The following EFR3A variants were observed in gnomAD, a reference collection of about 807,000 sequenced individuals.
EFR3A encodes protein EFR3 homolog A.
EFR3A carries 76 observed loss-of-function variants against 104.4 expected under a neutral mutation model. The observed-to-expected ratio is 0.73, with a 90% confidence interval of 0.60 to 0.88. The LOEUF (loss-of-function observed/expected upper bound fraction) is 0.88, where lower values mean the gene tolerates loss of function less well. Among genes scored for constraint, EFR3A ranks in the 40% least tolerant of loss-of-function variants. The pLI, the probability that EFR3A is intolerant of heterozygous loss-of-function variation, is 0.00. For missense variants in EFR3A, 985 were observed against 1,012.5 expected (o/e 0.97, Z 0.37); for synonymous variants, 330 against 330.0 (o/e 1.00, Z 0.00).
chr8:131,938,822 C>A (rs1232025058), intron 1 of EFR3A, among the ~76,000 whole-genome samples: 1 of 152,104 alleles, frequency 6.6e-6, no homozygotes, highest in Non-Finnish European at 1.5e-5. Flanking sequence ...ATTGGCCTCT[C>A]TAAGCTGGTT....
chr8:131,984,828 G>T (rs543546133), intron 15 of EFR3A, 101 bp from the exon 16 acceptor site: 10 of 1,125,608 alleles, frequency 8.9e-6, no homozygotes, highest in Non-Finnish European at 1.1e-5. Flanking sequence ...TGGCATTTTT[G>T]TTAGCTTTCC....
chr8:131,963,902 C>A (rs1242362447), intron 8 of EFR3A, among the ~76,000 whole-genome samples: 2 of 152,148 alleles, frequency 1.3e-5, no homozygotes, highest in African/African-American at 4.8e-5. Flanking sequence ...CCCTGGGATG[C>A]AAGGCTGGTT....
rs138896182 is a variant in EFR3A, at chr8:131,955,806, A to G, written c.677A>G (p.Lys226Arg). Residue 226 changes from lysine to arginine, a missense_variant, in exon 7 of 23, where the codon AAA becomes AGA. By Grantham distance (26) the Lys-to-Arg change is conservative (BLOSUM62 2). Transcript: ENST00000254624. ...GPPSSPSATDKEENPAVLAEN... is the reference protein window; with the variant it reads ...GPPSSPSATDREENPAVLAEN... ...CCTTCTTCTCCTTCTGCAACTGACA[A>G]AGAAGAGAATCCTGCTGTGCTGGCT... 1.0e-4 allele frequency: 166 copies of G among 1,613,410 alleles called. 1 individual carries two copies. Among genetic ancestry groups the G allele is most frequent in the Middle Eastern group, 3.3e-4 (2 of 6,060 alleles).
intron 1 of EFR3A, among the ~76,000 whole-genome samples, chr8:131,909,973 G>A (rs543444776): frequency 3.3e-5 from 5 of 152,210 alleles, no homozygotes; most frequent in African/African-American, 4.8e-5. Context: ...AGGCATTGCC[G>A]TCTCAGTGCA....
Position 132,010,943 on chromosome 8 carries a change from AG to A in EFR3A, c.*50del. On this transcript the variant is annotated 3_prime_UTR_variant, in exon 23 of 23. Transcript: ENST00000254624. ...TATGATTTGTAAAGCCTAAAAATTAAGGCCAAGCTGAGCTTTCAGGGTTTAC... is the reference window on the plus strand; with the variant it reads ...TATGATTTGTAAAGCCTAAAAATTAAGCCAAGCTGAGCTTTCAGGGTTTAC... 6.6e-7 allele frequency: 1 copy of A among 1,522,166 alleles called. No homozygotes were observed. The highest frequency in any genetic ancestry group is 1.3e-5 in the South Asian group (1 of 78,032). The allele number at this position is 1,522,166 out of a possible 1,614,324, so 94.3% of individuals were successfully genotyped here.
At chr8:131,912,422 G>A (rs1056387209) in intron 1 of EFR3A, among the ~76,000 whole-genome samples, 10 of 152,168 alleles carry the variant, frequency 6.6e-5, no homozygotes, top group African/African-American at 2.4e-4. Context: ...TGTGGTTAGA[G>A]TACATTTTTG....
At chr8:131,971,898 C>A (rs775915983) in intron 10 of EFR3A, among the ~76,000 whole-genome samples, 7 of 152,110 alleles carry the variant, frequency 4.6e-5, no homozygotes, top group Non-Finnish European at 1.0e-4. Context: ...TGAGAAGACA[C>A]TTTCAGATCA....
rs961127598 is a variant in EFR3A at position 131,940,551 on chromosome 8, C to T, written c.63C>T (p.Asp21=). ...ALRPRYKRLV[D]NIFPEDPKDG... The stretch of plus-strand genomic sequence containing the variant: ...GTCCTCGCTACAAACGCCTGGTGGA[C>T]AACATATTCCCTGAAGATCCAAAAG... Residue 21 remains aspartate, a synonymous_variant, in exon 2 of 23, where the codon GAC becomes GAT. Transcript: ENST00000254624. 2 of 1,608,904 alleles carry T rather than the reference C, an allele frequency of 1.2e-6. No homozygotes were observed. The highest frequency in any genetic ancestry group is 1.7e-5 in the Admixed American group (1 of 59,482).
intron 22 of EFR3A, among the ~76,000 whole-genome samples, chr8:132,009,045 C>T (rs377281570): frequency 1.3e-5 from 2 of 151,614 alleles, no homozygotes; most frequent in Non-Finnish European, 2.9e-5. Flanking sequence ...GGAACAATTG[C>T]AAAATTGTTA....
intron 1 of EFR3A, among the ~76,000 whole-genome samples, chr8:131,907,519 G>C (rs2130363528): frequency 6.6e-6 from 1 of 152,226 alleles, no homozygotes; most frequent in African/African-American, 2.4e-5. Context: ...CTGACGTTGA[G>C]GTCTAGGCAA....
Position 131,944,871 on chromosome 8 carries a change from G to A in EFR3A, c.214G>A (p.Gly72Arg), listed in dbSNP as rs1469862321. 6.2e-7 allele frequency: 1 copy of A among 1,606,728 alleles called. No individual in the cohort carries two copies. Among genetic ancestry groups the A allele is most frequent in the South Asian group, 1.1e-5 (1 of 89,258 alleles). ...LSRDVVRHRSGYVLIAMEALD... is the reference protein window; with the variant it reads ...LSRDVVRHRSRYVLIAMEALD... ...CAGGGATGTTGTCAGACATCGTTCT[G>A]GGTAAGGAAACTAATGGCTGCTAAA... Residue 72 changes from glycine to arginine, a missense_variant and splice_region_variant, in exon 3 of 23, where the codon GGG becomes AGG. Transcript: ENST00000254624.
intron 19 of EFR3A, among the ~76,000 whole-genome samples, chr8:131,998,414 T>C (rs1023635859): frequency 1.3e-5 from 2 of 151,892 alleles, no homozygotes; most frequent in African/African-American, 4.8e-5. Context: ...TTGCTTTTGC[T>C]TTTTAAACTT....
intron 1 of EFR3A, among the ~76,000 whole-genome samples, chr8:131,924,611 G>T (rs888416470): frequency 6.6e-6 from 1 of 152,204 alleles, no homozygotes; most frequent in East Asian, 1.9e-4. Flanking sequence ...AGAACATCCT[G>T]TTTCCCTCAG....
chr8:131,914,624 C>A (rs941992644), intron 1 of EFR3A, among the ~76,000 whole-genome samples: 1 of 152,060 alleles, frequency 6.6e-6, no homozygotes, highest in African/African-American at 2.4e-5. Flanking sequence ...CCAGCTTCAG[C>A]TGGAGCAGCT....
chr8:131,979,632 T>G (rs1820505816), intron 14 of EFR3A, among the ~76,000 whole-genome samples: 1 of 152,144 alleles, frequency 6.6e-6, no homozygotes, highest in Non-Finnish European at 1.5e-5. Flanking sequence ...GTTGGGCTGC[T>G]GTAGTAGTTC....
At chr8:131,923,479 G>A (rs1219783716) in intron 1 of EFR3A, among the ~76,000 whole-genome samples, 1 of 150,148 alleles carries the variant, frequency 6.7e-6, no homozygotes, top group Non-Finnish European at 1.5e-5. Context: ...CCTTTAAAAA[G>A]GCATCTGGGA....
chr8:131,993,832 C>T (rs1821336506), intron 18 of EFR3A, among the ~76,000 whole-genome samples: 1 of 152,046 alleles, frequency 6.6e-6, no homozygotes, highest in Admixed American at 6.6e-5. Context: ...AACACAGTAA[C>T]AGAAAACCAA....
chr8:131,986,309 C>T (rs1409370631), intron 17 of EFR3A, 48 bp downstream of exon 17: 1 of 937,382 alleles, frequency 1.1e-6, no homozygotes, highest in Non-Finnish European at 1.6e-6. Context: ...ACTTGATAAA[C>T]CCATCAGTAA....
At position 131,944,685 on chromosome 8, in the gene EFR3A, C is replaced by T. The variant is rs1818336048; in HGVS notation, c.88-60C>T. 13 of 1,469,880 alleles carry T rather than the reference C, an allele frequency of 8.8e-6. No homozygotes were observed. The South Asian group carries it at 1.3e-4, about 15-fold the overall frequency. 91.1% of individuals were successfully genotyped at this position (1,469,880 alleles called of 1,614,324 possible). ...AAGGGAAATTGTAAAGCAGGCAACA[C>T]TTAAAAATATAATAAGCATGAAAAT... is the stretch of plus-strand genomic sequence containing the variant. On this transcript the variant is annotated intron_variant, in intron 2 of 22. Coordinates refer to ENST00000254624, the MANE Select transcript of EFR3A (RefSeq NM_015137.6).
Sources: allele counts gnomAD v4.1 joint callset (sites outside exome capture counted in the v4.1 genomes callset), GRCh38; gene constraint gnomAD v4.1.1; transcripts MANE v1.5; gene names NCBI Gene and HGNC (gene_info 2026-07-23, HGNC 2026-07-21).